The following RBM46 variants were observed in gnomAD, a reference collection of about 807,000 sequenced individuals.
The protein encoded by RBM46 is RNA binding motif protein 46.
Under a neutral mutation model 43.3 loss-of-function variants are expected in RBM46, and 12 were observed. The ratio of observed to expected loss-of-function variants is 0.28; its 90% CI spans 0.18 to 0.45. The LOEUF (loss-of-function observed/expected upper bound fraction) is 0.45, where lower values mean the gene tolerates loss of function less well. Ranked by LOEUF, RBM46 falls within the 20% of genes least tolerant of loss-of-function variation. The pLI, the probability that RBM46 is intolerant of heterozygous loss-of-function variation, is 1.00. For synonymous variants in RBM46, 205 were observed against 207.6 expected, an observed-to-expected ratio of 0.99 and a Z score of 0.11; for missense variants, 412 against 639.1, an observed-to-expected ratio of 0.64 and a Z score of 3.83.
At chr4:154,790,163 T>C (rs1230067324) in intron 1 of RBM46, 1 of 152,236 alleles carries the variant, frequency 6.6e-6, no homozygotes, top group Non-Finnish European at 1.5e-5. Flanking sequence ...TTTGTGTCTC[T>C]ATCTCCTTCA....
At chr4:154,827,778 A>C in intron 4 of RBM46, 90 bp from the exon 5 acceptor site, 1 of 1,580,728 alleles carries the variant, frequency 6.3e-7, no homozygotes, top group South Asian at 1.2e-5. Flanking sequence ...ATTATGTTAA[A>C]ATGTGATTAT....
chr4:154,811,530 G>C (rs867237652), intron 4 of RBM46, among the ~76,000 whole-genome samples: 1 of 152,156 alleles, frequency 6.6e-6, no homozygotes, highest in South Asian at 2.1e-4. Flanking sequence ...CAAGATACCA[G>C]TTTCCAATCA....
chr4:154,788,004 A>G (rs156516), intron 1 of RBM46, among the ~76,000 whole-genome samples: 92,610 of 152,046 alleles, frequency 0.61, 31,282 homozygotes, highest in African/African-American at 0.89. Flanking sequence ...GTCTGTTCAT[A>G]TCCTTCGCCT....
chr4:154,799,462 G>A lies in RBM46; in HGVS notation c.1300G>A (p.Ala434Thr), dbSNP rs1339747416. 2 of 1,613,746 alleles carry A rather than the reference G, an allele frequency of 1.2e-6. No homozygotes were observed. The highest frequency in any genetic ancestry group is 2.2e-5 in the South Asian group (2 of 90,996). ...CTTGGTGTATAAGATAGTTATTCCT[G>A]CTATTGCAAATGGATCCCAGAGTTA... ...VLLVYKIVIP[A>T]IANGSQSYFM... Residue 434 changes from alanine to threonine, a missense_variant, in exon 4 of 5, where the codon GCT (alanine) becomes ACT (threonine). By Grantham distance (58) the Ala-to-Thr change is moderately conservative (BLOSUM62 0). Coordinates refer to ENST00000281722, the MANE Select transcript of RBM46 (RefSeq NM_144979.5).
intron 4 of RBM46, chr4:154,820,285 C>A: frequency 1.1e-6 from 1 of 880,370 alleles, no homozygotes; most frequent in East Asian, 3.0e-5. Flanking sequence ...CTAAAGTTAC[C>A]AAGGATTCCA....
chr4:154,821,866 T>G (rs2111212250), intron 4 of RBM46, among the ~76,000 whole-genome samples: 1 of 151,920 alleles, frequency 6.6e-6, no homozygotes, highest in East Asian at 1.9e-4. Flanking sequence ...ACTAAATACT[T>G]CCTTGGGAAA....
chr4:154,783,096 T>C (rs1262370931), intron 1 of RBM46, among the ~76,000 whole-genome samples: 1 of 152,214 alleles, frequency 6.6e-6, no homozygotes, highest in Non-Finnish European at 1.5e-5. Context: ...TGCATCTGTC[T>C]GCATTTGTTT....
chr4:154,789,097 A>T (rs1371143367), intron 1 of RBM46, among the ~76,000 whole-genome samples: 1 of 152,170 alleles, frequency 6.6e-6, no homozygotes, highest in Non-Finnish European at 1.5e-5. Flanking sequence ...GGGTTTTACA[A>T]ATATACAATC....
chr4:154,815,299 T>G (rs1400264464), intron 4 of RBM46, among the ~76,000 whole-genome samples: 1 of 152,008 alleles, frequency 6.6e-6, no homozygotes, highest in Non-Finnish European at 1.5e-5. Context: ...GAACATAGTG[T>G]TTTTGGTGCT....
At chr4:154,811,669 C>CTGTG (rs70947182) in intron 4 of RBM46, among the ~76,000 whole-genome samples, 3,583 of 130,768 alleles carry the variant, frequency 0.027, 79 homozygotes, top group African/African-American at 0.056. Flanking sequence ...GTGTGTGTGT[C>CTGTG]TGTGTGTGTG....
chr4:154,819,537 GT>G (rs1735627626), intron 4 of RBM46, among the ~76,000 whole-genome samples: 1 of 152,086 alleles, frequency 6.6e-6, no homozygotes, highest in South Asian at 2.1e-4. Context: ...TGAAACAAAT[GT>G]TTTTGTTTTT....
intron 1 of RBM46, among the ~76,000 whole-genome samples, chr4:154,782,490 T>G (rs948827637): frequency 7.9e-5 from 12 of 152,198 alleles, no homozygotes; most frequent in Admixed American, 7.9e-4. Context: ...GTTTTGTTTT[T>G]TGTTTTGTTT....
chr4:154,816,561 T>C (rs1288390212), intron 4 of RBM46, among the ~76,000 whole-genome samples: 1 of 152,162 alleles, frequency 6.6e-6, no homozygotes, highest in Non-Finnish European at 1.5e-5. Context: ...TATTTTTTAA[T>C]ATATTGGGTA....
At chr4:154,822,126 G>T (rs1025515357) in intron 4 of RBM46, among the ~76,000 whole-genome samples, 4 of 151,566 alleles carry the variant, frequency 2.6e-5, no homozygotes, top group African/African-American at 9.7e-5. Context: ...ACAACAAAAT[G>T]CCCATACTTA....
intron 1 of RBM46, chr4:154,790,542 C>T (rs977149010): frequency 5.9e-5 from 9 of 152,148 alleles, no homozygotes; most frequent in African/African-American, 2.2e-4. Flanking sequence ...ATCACATATA[C>T]CTGTTTTTCA....
intron 1 of RBM46, among the ~76,000 whole-genome samples, chr4:154,785,269 C>T (rs1358776205): frequency 2.0e-5 from 3 of 151,836 alleles, no homozygotes; most frequent in African/African-American, 7.3e-5. Flanking sequence ...CATGTTATTT[C>T]ATTGTAAGAA....
chr4:154,816,225 G>A (rs929622893), intron 4 of RBM46, among the ~76,000 whole-genome samples: 1 of 151,898 alleles, frequency 6.6e-6, no homozygotes, highest in Admixed American at 6.6e-5. Context: ...CAGCCCTTGA[G>A]TTTCCATATG....
chr4:154,822,296 T>A (rs187423470), intron 4 of RBM46, among the ~76,000 whole-genome samples: 17 of 151,814 alleles, frequency 1.1e-4, no homozygotes, highest in African/African-American at 3.9e-4. Flanking sequence ...TCTAGATTAG[T>A]TTGCATTTTC....
In RBM46 at chr4:154,785,052, C is replaced by T. The variant is rs183546060; in HGVS notation, c.-12+3616C>T. ...TTTGAACTTTCTTGTGAATTATACA[C>T]GTGCATATATTTTGTTTTGGAGGCT... On this transcript the variant is annotated intron_variant, in intron 1 of 4. Transcript: ENST00000281722. Among the ~76,000 whole-genome samples, 8 of 152,084 alleles carry T rather than the reference C, an allele frequency of 5.3e-5. No individual in the cohort carries two copies. The East Asian group carries it at 1.5e-3, about 29-fold the overall frequency.
Sources: allele counts gnomAD v4.1 joint callset (sites outside exome capture counted in the v4.1 genomes callset), GRCh38; gene constraint gnomAD v4.1.1; transcripts MANE v1.5; gene names NCBI Gene and HGNC (gene_info 2026-07-23, HGNC 2026-07-21).